LHFPL6: variants seen among roughly 807,000 people sequenced by gnomAD.
The protein encoded by LHFPL6 is LHFPL tetraspan subfamily member 6.
A neutral mutation model predicts 20.6 loss-of-function variants in LHFPL6; 9 were observed. The ratio of observed to expected loss-of-function variants is 0.44; its 90% confidence interval spans 0.26 to 0.76. The LOEUF (loss-of-function observed/expected upper bound fraction) is 0.76. Ranked by LOEUF, LHFPL6 falls within the 30% of genes least tolerant of loss-of-function variation. The pLI is 0.20. For synonymous variants in LHFPL6, 105 were observed against 98.7 expected, an observed-to-expected ratio of 1.06 and a Z score of -0.38; for missense variants, 218 against 253.5, an observed-to-expected ratio of 0.86 and a Z score of 0.95.
Position 39,600,882 on chromosome 13 carries a change from A to G in LHFPL6, c.335T>C (p.Leu112Pro). 6.5e-7 allele frequency: 1 copy of G among 1,538,810 alleles called. No individual in the cohort carries two copies. Among genetic ancestry groups the G allele is most frequent in the Non-Finnish European group, 8.8e-7 (1 of 1,140,516 alleles). Reference protein sequence around the residue: ...TALMGCCVSDLISRTVGRVAG... With the variant: ...TALMGCCVSDPISRTVGRVAG... The stretch of plus-strand genomic sequence containing the variant: ...CACTCTTCCCACTGTCCTGGAGATG[A>G]GGTCGGAAACACAGCAACCCATGAG... The change falls in exon 2 of 4, where the codon CTC (leucine) becomes CCC (proline). Residue 112 changes from leucine to proline, a missense_variant. Coordinates refer to ENST00000379589, the MANE Select transcript of LHFPL6 (RefSeq NM_005780.3).
chr13:39,346,851 C>T (rs2138333195), intron 3 of LHFPL6, among the ~76,000 whole-genome samples: 1 of 152,048 alleles, frequency 6.6e-6, no homozygotes, highest in East Asian at 1.9e-4. Flanking sequence ...ATGGTGAAAC[C>T]CCATCTCTAC....
At chr13:39,588,106 T>A (rs911898198) in intron 2 of LHFPL6, among the ~76,000 whole-genome samples, 7 of 152,062 alleles carry the variant, frequency 4.6e-5, no homozygotes, top group African/African-American at 1.7e-4. Context: ...GCACACAGTG[T>A]GTGAGGCTGC....
intron 3 of LHFPL6, among the ~76,000 whole-genome samples, chr13:39,375,512 G>A (rs753240755): frequency 7.2e-5 from 11 of 152,046 alleles, no homozygotes; most frequent in South Asian, 2.1e-4. Flanking sequence ...CCAACACGGC[G>A]AAACCCCATC....
In LHFPL6 at chr13:39,343,808, G is replaced by T. The variant is rs182356139; in HGVS notation, c.*128C>A. ...CTATATCATGTTCCTGATTTTATCG[G>T]GTTTCATTTTATTAGCATTGTATTG... is the stretch of plus-strand genomic sequence containing the variant. On this transcript the variant is annotated 3_prime_UTR_variant, in exon 4 of 4. Transcript: ENST00000379589. 6.7e-6 allele frequency: 4 copies of T among 600,896 alleles called. No individual in the cohort carries two copies. In the African/African-American group the frequency reaches 7.4e-5, roughly 11 times the overall value. The allele number at this position is 600,896 out of a possible 1,614,324, so 37.2% of individuals were successfully genotyped here. A position where few individuals can be genotyped will look rare whatever the true frequency, so the allele number is the denominator to read the frequency against.
At chr13:39,465,637 G>A (rs1166627764) in intron 2 of LHFPL6, among the ~76,000 whole-genome samples, 2 of 152,100 alleles carry the variant, frequency 1.3e-5, no homozygotes, top group East Asian at 3.9e-4. Context: ...AGGCAAACTG[G>A]AAAATGACTT....
intron 3 of LHFPL6, among the ~76,000 whole-genome samples, chr13:39,368,813 T>C (rs1207295747): frequency 6.6e-6 from 1 of 152,162 alleles, no homozygotes; most frequent in Non-Finnish European, 1.5e-5. Flanking sequence ...AAAAAAATTA[T>C]TTCAGTCTTG....
intron 2 of LHFPL6, among the ~76,000 whole-genome samples, chr13:39,417,190 G>A (rs755751902): frequency 6.6e-6 from 1 of 152,076 alleles, no homozygotes; most frequent in Non-Finnish European, 1.5e-5. Context: ...CTTGAAACAG[G>A]ACAGGACTGG....
At chr13:39,517,758 G>A (rs1236234067) in intron 2 of LHFPL6, among the ~76,000 whole-genome samples, 2 of 152,058 alleles carry the variant, frequency 1.3e-5, no homozygotes, top group Non-Finnish European at 1.5e-5. Context: ...TGAACTCCTG[G>A]GCTCAAGGAT....
intron 2 of LHFPL6, among the ~76,000 whole-genome samples, chr13:39,395,585 C>T (rs892602507): frequency 2.0e-5 from 3 of 152,182 alleles, no homozygotes; most frequent in African/African-American, 7.2e-5. Context: ...TCCATCACTC[C>T]GGGCGGGAGG....
chr13:39,431,822 C>T (rs1054163179), intron 2 of LHFPL6, among the ~76,000 whole-genome samples: 2 of 151,932 alleles, frequency 1.3e-5, no homozygotes, highest in Non-Finnish European at 1.5e-5. Flanking sequence ...GCTATCACTC[C>T]AGCCCAAGTC....
chr13:39,532,016 C>A (rs1360948974), intron 2 of LHFPL6, among the ~76,000 whole-genome samples: 1 of 152,150 alleles, frequency 6.6e-6, no homozygotes, highest in African/African-American at 2.4e-5. Context: ...CACATTTCAG[C>A]TGTATGCAAA....
chr13:39,436,315 A>C (rs1380660641), intron 2 of LHFPL6, among the ~76,000 whole-genome samples: 6 of 152,358 alleles, frequency 3.9e-5, no homozygotes, highest in African/African-American at 1.4e-4. Context: ...TAAAGTTGTG[A>C]AATTATGAGT....
chr13:39,422,843 G>A (rs189143256), intron 2 of LHFPL6, among the ~76,000 whole-genome samples: 64 of 152,218 alleles, frequency 4.2e-4, no homozygotes, highest in African/African-American at 1.4e-3. Flanking sequence ...TTAACTCACA[G>A]TTCCATGGGA....
intron 2 of LHFPL6, among the ~76,000 whole-genome samples, chr13:39,520,099 G>C (rs1196841991): frequency 8.5e-5 from 13 of 152,118 alleles, no homozygotes; most frequent in Admixed American, 8.5e-4. Flanking sequence ...CAGCAGCCTG[G>C]TCTTCAGAAT....
At chr13:39,458,004 T>C (rs1372005749) in intron 2 of LHFPL6, among the ~76,000 whole-genome samples, 1 of 152,112 alleles carries the variant, frequency 6.6e-6, no homozygotes, top group African/African-American at 2.4e-5. Flanking sequence ...ACTATGAATA[T>C]CATCCAGGAG....
At chr13:39,466,118 T>G (rs1412685990) in intron 2 of LHFPL6, among the ~76,000 whole-genome samples, 1 of 152,196 alleles carries the variant, frequency 6.6e-6, no homozygotes, top group Non-Finnish European at 1.5e-5. Context: ...CGGTCTATTC[T>G]TCAGCTATCT....
At position 39,509,129 on chromosome 13, in the gene LHFPL6, C is replaced by T. The variant is rs534694269; in HGVS notation, c.385+91703G>A. 2.0e-5 allele frequency among the ~76,000 whole-genome samples: 3 copies of T among 152,104 alleles called. No homozygotes were observed. In the South Asian group the frequency reaches 6.2e-4, roughly 32 times the overall value. ...GAACATCTTTTTATGTGGTTATTTGCCATCCATGAAACGATGGTGAACATC... is the reference window on the plus strand; with the variant it reads ...GAACATCTTTTTATGTGGTTATTTGTCATCCATGAAACGATGGTGAACATC... On this transcript the variant is annotated intron_variant, in intron 2 of 3. Transcript: ENST00000379589.
chr13:39,458,779 A>AG (rs766572821), intron 2 of LHFPL6, among the ~76,000 whole-genome samples: 10 of 152,090 alleles, frequency 6.6e-5, no homozygotes, highest in Non-Finnish European at 1.5e-4. Flanking sequence ...AAATGAGGAA[A>AG]GAAAAAAAAA....
chr13:39,497,368 A>T (rs1869136864), intron 2 of LHFPL6, among the ~76,000 whole-genome samples: 1 of 152,128 alleles, frequency 6.6e-6, no homozygotes, highest in African/African-American at 2.4e-5. Context: ...AAATTTAATA[A>T]CTTTGCCATA....
Sources: gnomAD v4.1 joint callset for allele counts (sites outside exome capture counted in the v4.1 genomes callset) on GRCh38, gnomAD v4.1.1 for gene constraint, MANE v1.5 for transcripts, NCBI Gene and HGNC (gene_info 2026-07-23, HGNC 2026-07-21) for gene names.